RAP1GDS1: variants seen among roughly 807,000 people sequenced by gnomAD.
The protein encoded by RAP1GDS1 is RAP1, GTP-GDP dissociation stimulator 1.
Under a neutral mutation model 71.1 loss-of-function variants are expected in RAP1GDS1, and 35 were observed. The observed-to-expected ratio is 0.49, with a 90% CI of 0.38 to 0.65. The LOEUF (loss-of-function observed/expected upper bound fraction) is 0.65. Ranked by LOEUF, RAP1GDS1 falls within the 30% of genes least tolerant of loss-of-function variation. The pLI is 0.00. For synonymous variants in RAP1GDS1, 229 were observed against 243.1 expected (o/e 0.94, Z 0.54); for missense variants, 663 against 706.1 (o/e 0.94, Z 0.69).
At chr4:98,414,987 A>G (rs534309285) in intron 7 of RAP1GDS1, among the ~76,000 whole-genome samples, 259 of 152,178 alleles carry the variant, frequency 1.7e-3, no homozygotes, top group Middle Eastern at 3.4e-3. Context: ...AATTGTGAAT[A>G]GGAATTCACT....
At chr4:98,441,522 G>A in intron 14 of RAP1GDS1, 1 of 983,284 alleles carries the variant, frequency 1.0e-6, no homozygotes, top group South Asian at 4.7e-5. Flanking sequence ...CAAACCTTGA[G>A]ATCATACAGT....
intron 2 of RAP1GDS1, among the ~76,000 whole-genome samples, chr4:98,329,358 T>C (rs1016067518): frequency 6.6e-6 from 1 of 152,224 alleles, no homozygotes; most frequent in African/African-American, 2.4e-5. Context: ...GGAAACATTA[T>C]CTTTATCATT....
At chr4:98,416,341 T>TG (rs1747995280) in intron 7 of RAP1GDS1, among the ~76,000 whole-genome samples, 1 of 119,258 alleles carries the variant, frequency 8.4e-6, no homozygotes, top group South Asian at 3.2e-4. Flanking sequence ...TTAGTTTTTT[T>TG]TTTTTTTTTT....
Position 98,424,115 on chromosome 4 carries a change from T to G in RAP1GDS1, c.1440+2721T>G, listed in dbSNP as rs564632498. ...AGTAGAATTAAAGGAGGAGGTAGTT[T>G]TAGAGCTAATTCCAAGTTTGGGGTT... On this transcript the variant is annotated intron_variant, in intron 12 of 14. Coordinates refer to ENST00000408927, the MANE Select transcript of RAP1GDS1 (RefSeq NM_001100427.2). 2.6e-5 allele frequency among the ~76,000 whole-genome samples: 4 copies of G among 152,248 alleles called. No homozygotes were observed. In the South Asian group the frequency reaches 8.3e-4, roughly 32 times the overall value.
At chr4:98,428,971 CTA>C (rs1750003888) in intron 12 of RAP1GDS1, among the ~76,000 whole-genome samples, 1 of 152,066 alleles carries the variant, frequency 6.6e-6, no homozygotes, top group Non-Finnish European at 1.5e-5. Context: ...AATAAAGAAA[CTA>C]TGGGGCCAGG....
chr4:98,391,013 TTTCTGTA>T (rs1743551821), intron 5 of RAP1GDS1, among the ~76,000 whole-genome samples: 1 of 152,152 alleles, frequency 6.6e-6, no homozygotes, highest in African/African-American at 2.4e-5. Flanking sequence ...TTGAAGAGCA[TTTCTGTA>T]TCATTGGATG....
In RAP1GDS1 at chr4:98,442,212, T is replaced by C; in HGVS notation, c.*95T>C. 1 of 1,506,236 alleles carries C rather than the reference T, an allele frequency of 6.6e-7. No homozygotes were observed. Among genetic ancestry groups the C allele is most frequent in the Non-Finnish European group, 8.9e-7 (1 of 1,120,964 alleles). The allele number at this position is 1,506,236 out of a possible 1,614,324, so 93.3% of individuals were successfully genotyped here. On this transcript the variant is annotated 3_prime_UTR_variant, in exon 15 of 15. Coordinates refer to ENST00000408927, the MANE Select transcript of RAP1GDS1 (RefSeq NM_001100427.2). Reference sequence around the variant, plus strand: ...GCTTCATTCTCTACCATACCACTTGTGCATGCATGTGATGTTCTAATACCA... The same window carrying C: ...GCTTCATTCTCTACCATACCACTTGCGCATGCATGTGATGTTCTAATACCA...
intron 4 of RAP1GDS1, among the ~76,000 whole-genome samples, chr4:98,356,870 G>T (rs1738050382): frequency 6.6e-6 from 1 of 151,904 alleles, no homozygotes; most frequent in Non-Finnish European, 1.5e-5. Flanking sequence ...AAGTATAAAT[G>T]GGAAGGATGC....
chr4:98,272,473 C>G (rs1199706248), intron 1 of RAP1GDS1, among the ~76,000 whole-genome samples: 1 of 152,122 alleles, frequency 6.6e-6, no homozygotes, highest in Non-Finnish European at 1.5e-5. Context: ...GGCAAAACTT[C>G]ATAGCTCGGT....
At chr4:98,415,907 C>CTTTATTTA (rs1199660326) in intron 7 of RAP1GDS1, among the ~76,000 whole-genome samples, 1 of 152,078 alleles carries the variant, frequency 6.6e-6, no homozygotes, top group Non-Finnish European at 1.5e-5. Flanking sequence ...AAAAACACGA[C>CTTTATTTA]TTTATTTATT....
intron 1 of RAP1GDS1, among the ~76,000 whole-genome samples, chr4:98,273,932 G>A (rs1425937926): frequency 6.6e-6 from 1 of 152,172 alleles, no homozygotes; most frequent in Admixed American, 6.5e-5. Context: ...TGCACTTGCA[G>A]TGAGGTCTGA....
intron 7 of RAP1GDS1, among the ~76,000 whole-genome samples, chr4:98,406,258 CCATTTGT>C (rs1746100472): frequency 6.6e-6 from 1 of 151,916 alleles, no homozygotes; most frequent in South Asian, 2.1e-4. Context: ...AATTAAAAGA[CCATTTGT>C]CACTTGTGTT....
At chr4:98,364,586 G>T (rs1194282437) in intron 4 of RAP1GDS1, among the ~76,000 whole-genome samples, 1 of 152,044 alleles carries the variant, frequency 6.6e-6, no homozygotes, top group Non-Finnish European at 1.5e-5. Context: ...ACTAAAAGCT[G>T]TTCTTAAGCC....
In RAP1GDS1 at chr4:98,404,507, A is replaced by G; in HGVS notation, c.668A>G (p.Asn223Ser). ...AGTAAAGAACAGTTTGCCAGTACAA[A>G]CATTGCTGAAGAGCTAGTAAAACTC... ...ESSKEQFAST[N>S]IAEELVKLFK... The change falls in exon 7 of 15, where the codon AAC becomes AGC. Residue 223 changes from asparagine (N) to serine (S), a missense_variant. Physicochemically the swap from Asn to Ser is conservative, Grantham distance 46. Transcript: ENST00000408927. 2 of 1,607,264 alleles carry G rather than the reference A, an allele frequency of 1.2e-6. No individual in the cohort carries two copies. The highest frequency in any genetic ancestry group is 1.7e-6 in the Non-Finnish European group (2 of 1,177,502).
chr4:98,309,451 G>T (rs1729867549), intron 2 of RAP1GDS1, among the ~76,000 whole-genome samples: 2 of 151,030 alleles, frequency 1.3e-5, no homozygotes, highest in Non-Finnish European at 1.5e-5. Flanking sequence ...TTCACTTTTT[G>T]AATTATGAAT....
At chr4:98,310,343 T>A (rs1730018658) in intron 2 of RAP1GDS1, among the ~76,000 whole-genome samples, 1 of 152,136 alleles carries the variant, frequency 6.6e-6, no homozygotes, top group Admixed American at 6.6e-5. Flanking sequence ...ATGTTCAGTG[T>A]CTACACTAGA....
chr4:98,410,185 A>G (rs967971472), intron 7 of RAP1GDS1, among the ~76,000 whole-genome samples: 1 of 152,206 alleles, frequency 6.6e-6, no homozygotes, highest in African/African-American at 2.4e-5. Flanking sequence ...ATGAGAGAAT[A>G]TAATTATAAC....
chr4:98,285,580 A>G (rs1346645664), intron 1 of RAP1GDS1, among the ~76,000 whole-genome samples: 3 of 151,992 alleles, frequency 2.0e-5, no homozygotes, highest in Non-Finnish European at 4.4e-5. Context: ...CCTGATACTA[A>G]TTTTAATGTT....
At chr4:98,349,709 A>G (rs1168222572) in intron 3 of RAP1GDS1, among the ~76,000 whole-genome samples, 1 of 151,980 alleles carries the variant, frequency 6.6e-6, no homozygotes, top group Admixed American at 6.6e-5. Context: ...ATTCCTAGGT[A>G]TTTTATTCTC....
Sources: gnomAD v4.1 joint callset for allele counts (sites outside exome capture counted in the v4.1 genomes callset) on GRCh38, gnomAD v4.1.1 for gene constraint, MANE v1.5 for transcripts, NCBI Gene and HGNC (gene_info 2026-07-23, HGNC 2026-07-21) for gene names.